DLG2: variants seen among roughly 807,000 people sequenced by gnomAD.
DLG2 encodes disks large homolog 2.
In DLG2, 45 loss-of-function variants were observed where a neutral mutation model predicts 132.5. The observed-to-expected ratio is 0.34, with a 90% CI of 0.27 to 0.44. The LOEUF (loss-of-function observed/expected upper bound fraction) is 0.44. Ranked by LOEUF, DLG2 falls within the 20% of genes least tolerant of loss-of-function variation. The pLI is 1.00. For missense variants in DLG2, 1,045 were observed against 1,196.9 expected (o/e 0.87, Z 1.87); for synonymous variants, 424 against 419.6 (o/e 1.01, Z -0.13).
At chr11:83,685,347 T>A (rs959691532) in intron 18 of DLG2, among the ~76,000 whole-genome samples, 3 of 152,194 alleles carry the variant, frequency 2.0e-5, no homozygotes, top group African/African-American at 7.2e-5. Context: ...GGCTTCCCAC[T>A]ACAATTGTTC....
At chr11:85,468,900 C>A (rs2092894873) in intron 3 of DLG2, among the ~76,000 whole-genome samples, 1 of 152,160 alleles carries the variant, frequency 6.6e-6, no homozygotes, top group Non-Finnish European at 1.5e-5. Context: ...TCAAGCAATT[C>A]TTCCGCCTTG....
At position 83,499,891 on chromosome 11, in the gene DLG2, AT is replaced by A. The variant is rs1565492927; in HGVS notation, c.2194-15664del. Among the ~76,000 whole-genome samples the A allele has an allele frequency of 1.8e-3, 200 of 108,194 alleles. 4 individuals are homozygous for A. The highest frequency in any genetic ancestry group is 3.0e-3 in the Non-Finnish European group (165 of 54,302). 71.0% of individuals were successfully genotyped at this position (108,194 alleles called of 152,430 possible). A position where few individuals can be genotyped will look rare whatever the true frequency, so the allele number is the denominator to read the frequency against. On this transcript the variant is annotated intron_variant, in intron 21 of 27. Transcript: ENST00000376104. ...TATATATATATATATATATATATAT[AT>A]ATATATCAGTTCTGTCCCTCCAGAG...
rs577866241 is a variant in DLG2, at chr11:84,197,948, T to C, written c.574-34437A>G. 1.9e-3 allele frequency among the ~76,000 whole-genome samples: 297 copies of C among 152,320 alleles called. 2 individuals carry two copies. Among genetic ancestry groups the C allele is most frequent in the African/African-American group, 7.0e-3 (291 of 41,582 alleles). On this transcript the variant is annotated intron_variant, in intron 8 of 27. Coordinates refer to ENST00000376104, the MANE Select transcript of DLG2 (RefSeq NM_001142699.3). ...CTTCAGCGGCCCCACACCAAATTTA[T>C]TATCATTTCATACTTCATCTTTAAA...
Position 84,502,409 on chromosome 11 carries a change from T to TC in DLG2, c.519+32160dup, listed in dbSNP as rs202225090. 1.8e-3 allele frequency among the ~76,000 whole-genome samples: 171 copies of TC among 94,652 alleles called. 14 individuals are homozygous for TC. Among genetic ancestry groups the TC allele is most frequent in the African/African-American group, 9.5e-3 (156 of 16,470 alleles). The allele number at this position is 94,652 out of a possible 152,430, so 62.1% of individuals were successfully genotyped here. A position where few individuals can be genotyped will look rare whatever the true frequency, so the allele number is the denominator to read the frequency against. ...TTCTTTCTTTCTTTCTTTCTTTCTT[T>TC]CTTTCTATACAGAGTCTCATGCTGT... is the stretch of plus-strand genomic sequence containing the variant. On this transcript the variant is annotated intron_variant, in intron 7 of 27. Transcript: ENST00000376104.
intron 18 of DLG2, among the ~76,000 whole-genome samples, chr11:83,708,252 G>A (rs1362650005): frequency 6.6e-6 from 1 of 152,094 alleles, no homozygotes. Flanking sequence ...AGAACACAAA[G>A]TACCTAGGAA....
intron 3 of DLG2, among the ~76,000 whole-genome samples, chr11:85,492,720 T>C (rs1452276396): frequency 6.9e-6 from 1 of 145,776 alleles, no homozygotes; most frequent in East Asian, 1.9e-4. Flanking sequence ...TGACTTAAAA[T>C]ATAGGTTACA....
intron 7 of DLG2, among the ~76,000 whole-genome samples, chr11:84,529,101 T>A (rs1211288607): frequency 6.6e-6 from 1 of 152,172 alleles, no homozygotes; most frequent in Non-Finnish European, 1.5e-5. Context: ...TTTATTCCTA[T>A]TACTATTGGT....
At chr11:83,903,981 C>A (rs1417327477) in intron 15 of DLG2, among the ~76,000 whole-genome samples, 1 of 152,126 alleles carries the variant, frequency 6.6e-6, no homozygotes, top group Non-Finnish European at 1.5e-5. Context: ...ATATTAACAA[C>A]AATAACTAAT....
At chr11:85,068,757 C>A (rs2154165681) in intron 6 of DLG2, among the ~76,000 whole-genome samples, 1 of 152,214 alleles carries the variant, frequency 6.6e-6, no homozygotes, top group South Asian at 2.1e-4. Context: ...ATGCCATCCC[C>A]ATCAAGCTAC....
chr11:83,777,315 T>TG (rs1200222361), intron 18 of DLG2, among the ~76,000 whole-genome samples: 1 of 152,210 alleles, frequency 6.6e-6, no homozygotes, highest in East Asian at 1.9e-4. Flanking sequence ...ACTTAGGTAA[T>TG]GAGTCTATCA....
chr11:83,920,680 C>CT (rs1212565371), intron 15 of DLG2, among the ~76,000 whole-genome samples: 2 of 152,162 alleles, frequency 1.3e-5, no homozygotes, highest in African/African-American at 4.8e-5. Context: ...GCTCTCAGCA[C>CT]TTTATATAAA....
chr11:83,788,343 G>T (rs2040586702), intron 17 of DLG2, among the ~76,000 whole-genome samples: 2 of 152,080 alleles, frequency 1.3e-5, no homozygotes, highest in African/African-American at 2.4e-5. Flanking sequence ...CTAGTGTGGT[G>T]AACTCCTTAC....
At chr11:85,439,613 C>T (rs568160228) in intron 3 of DLG2, among the ~76,000 whole-genome samples, 1 of 152,128 alleles carries the variant, frequency 6.6e-6, no homozygotes, top group Non-Finnish European at 1.5e-5. Context: ...CCCGCCTCGG[C>T]CTCCCAAAGT....
chr11:85,594,024 A>G (rs1348011274), intron 3 of DLG2, among the ~76,000 whole-genome samples: 8 of 152,214 alleles, frequency 5.3e-5, no homozygotes, highest in Non-Finnish European at 1.0e-4. Context: ...ATGAATAAAA[A>G]TTTATTAAAA....
intron 18 of DLG2, among the ~76,000 whole-genome samples, chr11:83,648,819 A>G (rs1295387959): frequency 6.6e-6 from 1 of 152,304 alleles, no homozygotes; most frequent in Non-Finnish European, 1.5e-5. Flanking sequence ...CATTATGTCA[A>G]CATTGGGAAA....
intron 18 of DLG2, among the ~76,000 whole-genome samples, chr11:83,650,136 G>A (rs2069689531): frequency 1.3e-5 from 2 of 152,192 alleles, no homozygotes; most frequent in Admixed American, 1.3e-4. Flanking sequence ...TAATGCCCGT[G>A]TGCAGTAGGC....
At chr11:83,520,777 T>C (rs1291756663) in intron 21 of DLG2, among the ~76,000 whole-genome samples, 2 of 152,148 alleles carry the variant, frequency 1.3e-5, no homozygotes, top group Non-Finnish European at 2.9e-5. Context: ...AGAGGTATAC[T>C]TTTGATTTGA....
intron 6 of DLG2, among the ~76,000 whole-genome samples, chr11:85,041,043 T>C (rs993242753): frequency 6.6e-6 from 1 of 151,880 alleles, no homozygotes; most frequent in Non-Finnish European, 1.5e-5. Context: ...CTTTAGGGAA[T>C]AGGCAGGGGG....
Position 85,454,003 on chromosome 11 carries a change from T to C in DLG2, c.40+144654A>G, listed in dbSNP as rs145488179. On this transcript the variant is annotated intron_variant, in intron 3 of 27. Transcript: ENST00000376104. ...TCCATGTGTTTTCATTGCTTAGCTCTGACTTGTAAGTAAGAACATGTGGTA... is the reference window on the plus strand; with the variant it reads ...TCCATGTGTTTTCATTGCTTAGCTCCGACTTGTAAGTAAGAACATGTGGTA... Among the ~76,000 whole-genome samples the C allele has an allele frequency of 5.2e-3, 784 of 152,158 alleles. 5 individuals are homozygous for C. The highest frequency in any genetic ancestry group is 0.018 in the African/African-American group (732 of 41,528).
Sources: allele counts gnomAD v4.1 joint callset (sites outside exome capture counted in the v4.1 genomes callset), GRCh38; gene constraint gnomAD v4.1.1; transcripts MANE v1.5; gene names NCBI Gene and HGNC (gene_info 2026-07-23, HGNC 2026-07-21).